Variants in ZBTB41 observed in about 807,000 individuals in gnomAD.
The protein encoded by ZBTB41 is zinc finger and BTB domain containing 41, also known as zinc finger and BTB domain-containing protein 41.
ZBTB41 carries 42 observed loss-of-function variants against 87.6 expected under a neutral mutation model. The observed-to-expected ratio is 0.48, with a 90% CI of 0.37 to 0.62. The LOEUF (loss-of-function observed/expected upper bound fraction) is 0.62, where lower values mean the gene tolerates loss of function less well. ZBTB41 is among the 20% of genes least tolerant of loss of function. The pLI, the probability that ZBTB41 is intolerant of heterozygous loss-of-function variation, is 0.00. For missense variants in ZBTB41, 799 were observed against 1,078.9 expected (o/e 0.74, Z 3.63); for synonymous variants, 364 against 364.0 (o/e 1.00, Z 0.00).
intron 10 of ZBTB41, among the ~76,000 whole-genome samples, chr1:197,166,861 C>CA (rs1659358226): frequency 6.6e-6 from 1 of 151,182 alleles, no homozygotes; most frequent in African/African-American, 2.4e-5. Context: ...ACAACAACAA[C>CA]AACAAAAAAA....
Position 197,159,727 on chromosome 1 carries a change from G to A in ZBTB41, c.2362C>T (p.Pro788Ser). ...TTGGCTTCCGACTGATAAACTTTGG[G>A]CTGGTCCATATATTGTTTTGTTTCT... ...QTETKQYMDQ[P>S]KVYQSEAKTM... is the part of the protein sequence containing the mutation. Residue 788 changes from proline (P) to serine (S), a missense_variant, in exon 11 of 11, where the codon CCC (proline) becomes TCC (serine). This residue lies in a region of ZBTB41 where 171 missense variants were observed against 191.9 expected (regional missense o/e 0.89). Transcript: ENST00000367405. 1 of 1,614,002 alleles carries A rather than the reference G, an allele frequency of 6.2e-7. No homozygotes were observed. Among genetic ancestry groups the A allele is most frequent in the Non-Finnish European group, 8.5e-7 (1 of 1,179,916 alleles).
At chr1:197,188,488 G>A (rs1469294691) in intron 4 of ZBTB41, 49 bp from the exon 5 acceptor site, 19 of 1,482,012 alleles carry the variant, frequency 1.3e-5, no homozygotes, top group Middle Eastern at 2.4e-4. Flanking sequence ...ATTAAAAATT[G>A]TAATATTAAG....
intron 1 of ZBTB41, among the ~76,000 whole-genome samples, chr1:197,200,897 A>G (rs6690022): frequency 0.57 from 87,414 of 152,054 alleles, 28,991 homozygotes; most frequent in East Asian, 0.91. Flanking sequence ...CGGGTTGAGG[A>G]GGCTGAAGTC....
At chr1:197,191,312 T>G (rs907093073) in intron 3 of ZBTB41, among the ~76,000 whole-genome samples, 6 of 151,606 alleles carry the variant, frequency 4.0e-5, no homozygotes, top group African/African-American at 1.5e-4. Context: ...ATACAAAAAT[T>G]AGCTGGGCAT....
intron 5 of ZBTB41, among the ~76,000 whole-genome samples, chr1:197,181,420 T>G (rs1659745464): frequency 6.6e-6 from 1 of 152,054 alleles, no homozygotes; most frequent in East Asian, 1.9e-4. Flanking sequence ...CATACTAAAG[T>G]TTTTGGGAAA....
At chr1:197,161,354 CCT>C (rs1329920342) in intron 10 of ZBTB41, among the ~76,000 whole-genome samples, 1 of 151,968 alleles carries the variant, frequency 6.6e-6, no homozygotes, top group Non-Finnish European at 1.5e-5. Flanking sequence ...TTGATATTTT[CCT>C]CTCATCTCTC....
At chr1:197,171,056 T>A (rs566213370) in intron 10 of ZBTB41, among the ~76,000 whole-genome samples, 3 of 152,276 alleles carry the variant, frequency 2.0e-5, no homozygotes, top group African/African-American at 4.8e-5. Context: ...TCAGTGTTTT[T>A]AAAAATTTTG....
intron 6 of ZBTB41, 88 bp downstream of exon 6, chr1:197,180,899 AT>A: frequency 7.2e-7 from 1 of 1,387,122 alleles, no homozygotes; most frequent in East Asian, 2.5e-5. Flanking sequence ...TTTGTGTCTT[AT>A]GTTACCCTAA....
chr1:197,166,992 T>C lies in ZBTB41; in HGVS notation c.2074+5168A>G, dbSNP rs570384087. 5.3e-5 allele frequency among the ~76,000 whole-genome samples: 8 copies of C among 152,256 alleles called. No individual in the cohort carries two copies. The East Asian group carries it at 1.5e-3, about 29-fold the overall frequency. On this transcript the variant is annotated intron_variant, in intron 10 of 10. Coordinates refer to ENST00000367405, the MANE Select transcript of ZBTB41 (RefSeq NM_194314.3). ...AACTCCTCCAGATAACTGAAAAAGA[T>C]AAATTATTTCCCAAATCATCTTTTG...
chr1:197,176,673 A>T lies in ZBTB41; in HGVS notation c.1773-3T>A. 5 of 1,601,500 alleles carry T rather than the reference A, an allele frequency of 3.1e-6. No homozygotes were observed. Among genetic ancestry groups the T allele is most frequent in the Non-Finnish European group, 4.3e-6 (5 of 1,170,702 alleles). On this transcript the variant is annotated splice_polypyrimidine_tract_variant and splice_region_variant and intron_variant, in intron 7 of 10. Transcript: ENST00000367405. ...CATGATGTACTCGTAAGTGAAGTCT[A>T]TAAAGAAAAAAGAATTGAACACCAT...
At chr1:197,179,313 A>G (rs1283709436) in intron 6 of ZBTB41, among the ~76,000 whole-genome samples, 1 of 152,112 alleles carries the variant, frequency 6.6e-6, no homozygotes, top group Non-Finnish European at 1.5e-5. Context: ...CACAATTCCT[A>G]TAACCTAGTG....
chr1:197,197,332 G>A (rs1295081674), intron 2 of ZBTB41, among the ~76,000 whole-genome samples: 3 of 151,848 alleles, frequency 2.0e-5, no homozygotes, highest in African/African-American at 7.3e-5. Flanking sequence ...GATATAGATA[G>A]ATATAGATAT....
intron 5 of ZBTB41, 48 bp from the exon 6 acceptor site, chr1:197,181,165 T>C: frequency 6.6e-7 from 1 of 1,521,120 alleles, no homozygotes; most frequent in African/African-American, 1.4e-5. Context: ...AAAGAGGAGA[T>C]ACTAAGTTAA....
At chr1:197,176,945 A>G (rs1400903368) in intron 7 of ZBTB41, among the ~76,000 whole-genome samples, 1 of 152,156 alleles carries the variant, frequency 6.6e-6, no homozygotes, top group Non-Finnish European at 1.5e-5. Context: ...TAGATCCTAA[A>G]TCTAGTTCAC....
chr1:197,184,644 G>A (rs1316557804), intron 5 of ZBTB41, among the ~76,000 whole-genome samples: 1 of 151,974 alleles, frequency 6.6e-6, no homozygotes, highest in Non-Finnish European at 1.5e-5. Context: ...CATTTGTTTT[G>A]TAAATCATAT....
intron 5 of ZBTB41, 32 bp from the exon 6 acceptor site, chr1:197,181,149 A>G (rs751334020): frequency 6.5e-7 from 1 of 1,549,588 alleles, no homozygotes; most frequent in Non-Finnish European, 8.6e-7. Flanking sequence ...TGTGCATTTA[A>G]AGTTTAAAGA....
chr1:197,164,772 CTAATATATTATATATAATACATATA>C (rs71131747), intron 10 of ZBTB41, among the ~76,000 whole-genome samples: 2,528 of 66,862 alleles, frequency 0.038, 636 homozygotes, highest in African/African-American at 0.16. Flanking sequence ...TAATACATAT[CTAATATATTATATATAATACATATA>C]TAATATATTA....
chr1:197,193,424 G>A (rs1479839840), intron 2 of ZBTB41, among the ~76,000 whole-genome samples: 1 of 151,600 alleles, frequency 6.6e-6, no homozygotes, highest in African/African-American at 2.4e-5. Context: ...CCAGCACATA[G>A]TAAGCACTAA....
chr1:197,165,541 C>T (rs1184173745), intron 10 of ZBTB41, among the ~76,000 whole-genome samples: 1 of 150,904 alleles, frequency 6.6e-6, no homozygotes, highest in Non-Finnish European at 1.5e-5. Context: ...ACCCGGGAGG[C>T]GGAGCTTGCA....
Sources: allele counts gnomAD v4.1 joint callset (sites outside exome capture counted in the v4.1 genomes callset), GRCh38; gene constraint gnomAD v4.1.1; regional missense constraint gnomAD v4.1.1; transcripts MANE v1.5; gene names NCBI Gene and HGNC (gene_info 2026-07-23, HGNC 2026-07-21).